Variants in WNT8A observed in about 807,000 individuals in gnomAD.
WNT8A encodes the protein protein Wnt-8a.
Under a neutral mutation model 20.5 loss-of-function variants are expected in WNT8A, and 14 were observed. The ratio of observed to expected loss-of-function variants is 0.68; its 90% confidence interval spans 0.45 to 1.07. The LOEUF is 1.07. WNT8A is among the 50% of genes least tolerant of loss of function. The pLI is 0.00. For synonymous variants in WNT8A, 167 were observed against 169.2 expected, an observed-to-expected ratio of 0.99 and a Z score of 0.10; for missense variants, 397 against 462.9, an observed-to-expected ratio of 0.86 and a Z score of 1.31.
At chr5:138,090,159 C>T (rs1436708763) in intron 4 of WNT8A, among the ~76,000 whole-genome samples, 1 of 152,154 alleles carries the variant, frequency 6.6e-6, no homozygotes. Flanking sequence ...TTACATAGTA[C>T]TTCCTTGATT....
chr5:138,082,963 C>T (rs370801724), upstream of WNT8A, among the ~76,000 whole-genome samples: 24 of 151,352 alleles, frequency 1.6e-4, no homozygotes, highest in African/African-American at 5.6e-4. Context: ...GAGCTGAAGT[C>T]CTAGTAACAA....
chr5:138,080,463 T>TTTTTTTTC, upstream of WNT8A, among the ~76,000 whole-genome samples: 1 of 130,682 alleles, frequency 7.7e-6, no homozygotes, highest in Non-Finnish European at 1.7e-5. Context: ...TTTTTTTTTT[T>TTTTTTTTC]TTTTTGGCTA....
chr5:138,080,459 T>TTTTTTTG (rs1561572139), upstream of WNT8A, among the ~76,000 whole-genome samples: 19 of 126,906 alleles, frequency 1.5e-4, 1 homozygote, highest in Middle Eastern at 8.1e-3. Context: ...TTTTTTTTTT[T>TTTTTTTG]TTTTTTTTTG....
intron 3 of WNT8A, among the ~76,000 whole-genome samples, chr5:138,088,624 G>A (rs1750747853): frequency 6.6e-6 from 1 of 152,154 alleles, no homozygotes. Context: ...CCAAAGTGCT[G>A]GGATTACAGA....
upstream of WNT8A, among the ~76,000 whole-genome samples, chr5:138,079,238 T>G (rs1750442064): frequency 6.6e-6 from 1 of 151,252 alleles, no homozygotes. Context: ...TTTAGGAATT[T>G]TGCAAACTGG....
At chr5:138,079,917 C>G (rs900154953), upstream of WNT8A, among the ~76,000 whole-genome samples, 3 of 152,182 alleles carry the variant, frequency 2.0e-5, no homozygotes, top group Non-Finnish European at 4.4e-5. Context: ...CAGTCCAGCA[C>G]AGGGGTCTTA....
rs199613868 is a variant in WNT8A at position 138,088,868 on chromosome 5, C to T, written c.422-59C>T. ...TCTAGGGCTCTTGGGGGTGGTTTGG[C>T]GGGTGACTGGGACTGAGCATGGAGC... On this transcript the variant is annotated intron_variant, in intron 3 of 4. Coordinates refer to ENST00000506684, the MANE Select transcript of WNT8A (RefSeq NM_001300939.2). 42 of 1,581,888 alleles carry T rather than the reference C, an allele frequency of 2.7e-5. No homozygotes were observed. In the East Asian group the frequency reaches 5.9e-4, roughly 22 times the overall value.
At chr5:138,081,839 T>C (rs961560078), upstream of WNT8A, among the ~76,000 whole-genome samples, 3 of 152,204 alleles carry the variant, frequency 2.0e-5, no homozygotes, top group East Asian at 1.9e-4. Flanking sequence ...CAAATTGCTA[T>C]AAAAATTTCT....
intron 2 of WNT8A, among the ~76,000 whole-genome samples, chr5:138,085,112 T>C (rs1173398097): frequency 1.3e-5 from 2 of 152,124 alleles, no homozygotes; most frequent in Non-Finnish European, 2.9e-5. Context: ...TTTTTGTATT[T>C]TTAGTAGAGA....
chr5:138,077,770 A>G, the WNT8A span, among the ~76,000 whole-genome samples: 1 of 152,152 alleles, frequency 6.6e-6, no homozygotes, highest in Non-Finnish European at 1.5e-5. Context: ...GGCCTCTGCC[A>G]TTTGGGTACC....
At chr5:138,082,000 G>A (rs138134041), upstream of WNT8A, among the ~76,000 whole-genome samples, 7 of 152,250 alleles carry the variant, frequency 4.6e-5, no homozygotes, top group Non-Finnish European at 8.8e-5. Context: ...GGATCTCTGA[G>A]CTCCACTTCC....
chr5:138,090,614 T>C lies in WNT8A; in HGVS notation c.651T>C (p.Ala217=), dbSNP rs1750812875. 1 of 1,614,124 alleles carries C rather than the reference T, an allele frequency of 6.2e-7. No homozygotes were observed. The highest frequency in any genetic ancestry group is 1.1e-5 in the South Asian group (1 of 91,094). The stretch of plus-strand genomic sequence containing the variant: ...TACAGACATGCTGGCTGCAGCTGGC[T>C]GAATTCCGGGAGATGGGAGACTACC... ...CSIQTCWLQL[A]EFREMGDYLK... The change falls in exon 5 of 5, where the codon GCT becomes GCC. Residue 217 remains alanine, a synonymous_variant. Coordinates refer to ENST00000506684, the MANE Select transcript of WNT8A (RefSeq NM_001300939.2).
At chr5:138,086,558 C>A (rs1750669050) in intron 2 of WNT8A, among the ~76,000 whole-genome samples, 1 of 152,022 alleles carries the variant, frequency 6.6e-6, no homozygotes, top group Non-Finnish European at 1.5e-5. Flanking sequence ...GATGTTCATT[C>A]CTGCCTGGAT....
intron 3 of WNT8A, 134 bp downstream of exon 3, chr5:138,088,065 T>A: frequency 1.5e-6 from 2 of 1,308,690 alleles, no homozygotes; most frequent in Non-Finnish European, 2.1e-6. Flanking sequence ...CCTTCAATTG[T>A]AGGATCTCCT....
rs1392607323 is a variant in WNT8A at position 138,091,537 on chromosome 5, A to G, written c.*464A>G. The G allele has an allele frequency of 7.7e-7, 1 of 1,297,048 alleles. No homozygotes were observed. The highest frequency in any genetic ancestry group is 1.5e-5 in the African/African-American group (1 of 66,268). The allele number at this position is 1,297,048 out of a possible 1,614,324, so 80.3% of individuals were successfully genotyped here. On this transcript the variant is annotated 3_prime_UTR_variant, in exon 5 of 5. Coordinates refer to ENST00000506684, the MANE Select transcript of WNT8A (RefSeq NM_001300939.2). ...TGTGGCTACAAATCTATGCTGATAA[A>G]TGAGGTAAAGACCACATATCTGCCT...
At chr5:138,087,541 C>A (rs1373607235) in intron 2 of WNT8A, among the ~76,000 whole-genome samples, 1 of 146,294 alleles carries the variant, frequency 6.8e-6, no homozygotes, top group Non-Finnish European at 1.5e-5. Context: ...TAGTCCCAGC[C>A]AGCTACTCAG....
chr5:138,082,729 T>C (rs1469418770), upstream of WNT8A, among the ~76,000 whole-genome samples: 1 of 151,104 alleles, frequency 6.6e-6, no homozygotes, highest in Non-Finnish European at 1.5e-5. Context: ...ATACAAAAAT[T>C]AGCTGGGCAT....
chr5:138,091,150 T>A lies in WNT8A; in HGVS notation c.*77T>A. On this transcript the variant is annotated 3_prime_UTR_variant, in exon 5 of 5. Transcript: ENST00000506684. Reference sequence around the variant, plus strand: ...AGCTTCTCTCTTAGAGAGAACAGATTGGAAAGCAATCGGAAAATTGCAGTT... The same window carrying A: ...AGCTTCTCTCTTAGAGAGAACAGATAGGAAAGCAATCGGAAAATTGCAGTT... The A allele has an allele frequency of 6.5e-7, 1 of 1,547,858 alleles. No individual in the cohort carries two copies. Among genetic ancestry groups the A allele is most frequent in the Non-Finnish European group, 8.7e-7 (1 of 1,155,462 alleles).
chr5:138,083,252 GCCT>G (rs1272827957), upstream of WNT8A, among the ~76,000 whole-genome samples: 12 of 146,936 alleles, frequency 8.2e-5, no homozygotes, highest in Admixed American at 7.6e-4. Flanking sequence ...CTGCACTCCA[GCCT>G]GGGCGACAGA....
Sources: allele counts gnomAD v4.1 joint callset (sites outside exome capture counted in the v4.1 genomes callset), GRCh38; gene constraint gnomAD v4.1.1; transcripts MANE v1.5; gene names NCBI Gene and HGNC (gene_info 2026-07-23, HGNC 2026-07-21).